Variants in UBE2U observed in about 807,000 individuals in gnomAD.
UBE2U encodes the protein ubiquitin conjugating enzyme E2 U, also known as ubiquitin-conjugating enzyme E2 U.
A neutral mutation model predicts 41.2 loss-of-function variants in UBE2U; 39 were observed. That is an observed-to-expected ratio of 0.95 (90% confidence interval 0.73 to 1.24). UBE2U has a LOEUF of 1.24. Ranked by LOEUF, UBE2U falls within the 50% of genes most tolerant of loss-of-function variation. The pLI, the probability that UBE2U is intolerant of heterozygous loss-of-function variation, is 0.00. For synonymous variants in UBE2U, 107 were observed against 117.8 expected, an observed-to-expected ratio of 0.91 and a Z score of 0.60; for missense variants, 336 against 363.1, an observed-to-expected ratio of 0.93 and a Z score of 0.61.
At chr1:64,222,952 T>C (rs1027421) in intron 6 of UBE2U, among the ~76,000 whole-genome samples, 22,550 of 152,108 alleles carry the variant, frequency 0.15, 2,057 homozygotes, top group East Asian at 0.43. Flanking sequence ...GGGAATCTAG[T>C]TGATGTTCAG....
In UBE2U at chr1:64,206,854, A is replaced by G; in HGVS notation, c.239A>G (p.Asn80Ser). The G allele has an allele frequency of 6.4e-7, 1 of 1,567,312 alleles. No individual in the cohort carries two copies. Among genetic ancestry groups the G allele is most frequent in the Non-Finnish European group, 8.8e-7 (1 of 1,140,650 alleles). Residue 80 changes from asparagine (N) to serine (S), a missense_variant and splice_region_variant, in exon 3 of 10, where the codon AAT (asparagine) becomes AGT (serine). Transcript: ENST00000371077. ...TTTATAACAATTCCGTTTCATCCAAATGGTAAGAACTAAATGACATTTTTA... is the reference window on the plus strand; with the variant it reads ...TTTATAACAATTCCGTTTCATCCAAGTGGTAAGAACTAAATGACATTTTTA... Reference protein sequence around the residue: ...VKFITIPFHPNVDPHTGQPCI... With the variant: ...VKFITIPFHPSVDPHTGQPCI...
chr1:64,251,606 G>A (rs1645012529), intron 8 of UBE2U, among the ~76,000 whole-genome samples: 1 of 152,110 alleles, frequency 6.6e-6, no homozygotes, highest in African/African-American at 2.4e-5. Context: ...CCCAGGAGCA[G>A]CATGACGCCA....
At chr1:64,205,771 AT>A in intron 2 of UBE2U, 51 bp downstream of exon 2, 1 of 1,442,168 alleles carries the variant, frequency 6.9e-7, no homozygotes, top group Non-Finnish European at 9.7e-7. Context: ...TTATACCATT[AT>A]TAGCCCATCC....
chr1:64,248,009 G>A (rs1490029149), intron 8 of UBE2U, among the ~76,000 whole-genome samples: 1 of 152,130 alleles, frequency 6.6e-6, no homozygotes, highest in African/African-American at 2.4e-5. Context: ...CTTCCAGCCA[G>A]CAGAATTGTG....
intron 6 of UBE2U, among the ~76,000 whole-genome samples, chr1:64,227,844 G>A (rs1256659285): frequency 3.3e-5 from 5 of 151,888 alleles, no homozygotes; most frequent in Non-Finnish European, 7.4e-5. Flanking sequence ...ATTTACAACA[G>A]CATCAAAATG....
intron 6 of UBE2U, among the ~76,000 whole-genome samples, chr1:64,224,689 C>T (rs1652737066): frequency 6.6e-6 from 1 of 150,520 alleles, no homozygotes; most frequent in Non-Finnish European, 1.5e-5. Context: ...CGCCATTGCA[C>T]TCCAGCCTGG....
At chr1:64,218,419 T>A (rs190334114) in intron 5 of UBE2U, among the ~76,000 whole-genome samples, 1 of 152,342 alleles carries the variant, frequency 6.6e-6, no homozygotes, top group African/African-American at 2.4e-5. Flanking sequence ...AAATGTTAAA[T>A]ATTTATTTTC....
chr1:64,253,064 A>G (rs1645036659), intron 8 of UBE2U, among the ~76,000 whole-genome samples: 1 of 151,962 alleles, frequency 6.6e-6, no homozygotes, highest in Non-Finnish European at 1.5e-5. Context: ...TTAGAGAGGA[A>G]CATAAACAAC....
chr1:64,239,157 A>AAAGAAG (rs149062313), intron 7 of UBE2U, among the ~76,000 whole-genome samples: 6 of 37,058 alleles, frequency 1.6e-4, no homozygotes, highest in Admixed American at 3.2e-4. Flanking sequence ...GAAGAAGAAG[A>AAAGAAG]AAGAAGAAGA....
chr1:64,206,937 A>T (rs1435945837), intron 3 of UBE2U, 81 bp downstream of exon 3: 1 of 872,596 alleles, frequency 1.1e-6, no homozygotes, highest in African/African-American at 1.8e-5. Context: ...GTTTCTTTTT[A>T]AGAACTTTAT....
intron 6 of UBE2U, among the ~76,000 whole-genome samples, chr1:64,230,349 T>C (rs192414492): frequency 1.1e-4 from 16 of 152,330 alleles, no homozygotes; most frequent in Admixed American, 9.8e-4. Flanking sequence ...TGGCTGTCTA[T>C]TACCCAACAA....
intron 9 of UBE2U, among the ~76,000 whole-genome samples, chr1:64,264,057 T>C (rs11208394): frequency 0.22 from 33,846 of 152,156 alleles, 3,966 homozygotes; most frequent in Middle Eastern, 0.35. Context: ...CACAGCTGGA[T>C]AATCCCACAT....
chr1:64,226,106 A>C (rs998013430), intron 6 of UBE2U, among the ~76,000 whole-genome samples: 1 of 152,240 alleles, frequency 6.6e-6, no homozygotes, highest in Non-Finnish European at 1.5e-5. Flanking sequence ...CAAACTAGAA[A>C]CAACCAAAAT....
intron 5 of UBE2U, among the ~76,000 whole-genome samples, chr1:64,217,360 G>C (rs1652100042): frequency 6.6e-6 from 1 of 152,178 alleles, no homozygotes; most frequent in East Asian, 1.9e-4. Context: ...GAGGAGGAAG[G>C]TCTGGAGACA....
chr1:64,252,561 C>G (rs936525643), intron 8 of UBE2U, among the ~76,000 whole-genome samples: 2 of 152,174 alleles, frequency 1.3e-5, no homozygotes, highest in African/African-American at 4.8e-5. Flanking sequence ...AGGCTGCCAT[C>G]TTTGCTGTTT....
chr1:64,253,289 T>C (rs1180952419), intron 8 of UBE2U, among the ~76,000 whole-genome samples: 1 of 152,130 alleles, frequency 6.6e-6, no homozygotes, highest in Non-Finnish European at 1.5e-5. Flanking sequence ...CTACAACTGA[T>C]TGGGGTAACT....
intron 9 of UBE2U, among the ~76,000 whole-genome samples, chr1:64,265,870 G>A (rs961258095): frequency 1.3e-5 from 2 of 152,216 alleles, no homozygotes; most frequent in African/African-American, 4.8e-5. Flanking sequence ...AAGCCACCAT[G>A]CCCGGTCTGT....
intron 9 of UBE2U, among the ~76,000 whole-genome samples, chr1:64,261,217 G>A (rs1179647318): frequency 6.6e-6 from 1 of 152,112 alleles, no homozygotes; most frequent in African/African-American, 2.4e-5. Context: ...ATGACATTTG[G>A]GGATAGAGAA....
At chr1:64,252,272 G>T (rs1180576717) in intron 8 of UBE2U, among the ~76,000 whole-genome samples, 1 of 152,186 alleles carries the variant, frequency 6.6e-6, no homozygotes, top group African/African-American at 2.4e-5. Context: ...GCTCCTGAGG[G>T]GAGGGGTGGC....
Sources: gnomAD v4.1 joint callset for allele counts (sites outside exome capture counted in the v4.1 genomes callset) on GRCh38, gnomAD v4.1.1 for gene constraint, MANE v1.5 for transcripts, NCBI Gene and HGNC (gene_info 2026-07-23, HGNC 2026-07-21) for gene names.